The following CHN2 variants were observed in gnomAD, a reference collection of about 807,000 sequenced individuals.
CHN2 encodes chimerin 2.
CHN2 carries 35 observed loss-of-function variants against 56.3 expected under a neutral mutation model. The observed-to-expected ratio is 0.62, with a 90% CI of 0.47 to 0.82. CHN2 has a LOEUF of 0.82. CHN2 is among the 40% of genes least tolerant of loss of function. The pLI, the probability that CHN2 is intolerant of heterozygous loss-of-function variation, is 0.00. For synonymous variants in CHN2, 210 were observed against 212.8 expected, an observed-to-expected ratio of 0.99 and a Z score of 0.12; for missense variants, 491 against 580.5, an observed-to-expected ratio of 0.85 and a Z score of 1.58.
rs115968871 is a variant in CHN2, at chr7:29,272,705, G to A, written c.49+77715G>A. ...TATTTTGTATCAGTCAATATATGCCGTATTAGAAATTAAAACTCAGAAATT... is the reference window on the plus strand; with the variant it reads ...TATTTTGTATCAGTCAATATATGCCATATTAGAAATTAAAACTCAGAAATT... On this transcript the variant is annotated intron_variant, in intron 1 of 12. Transcript: ENST00000222792. Among the ~76,000 whole-genome samples, 673 of 152,182 alleles carry A rather than the reference G, an allele frequency of 4.4e-3. 5 individuals carry two copies. The highest frequency in any genetic ancestry group is 0.015 in the African/African-American group (625 of 41,510).
At chr7:29,207,427 A>G (rs1784602114) in intron 1 of CHN2, among the ~76,000 whole-genome samples, 1 of 152,124 alleles carries the variant, frequency 6.6e-6, no homozygotes, top group Non-Finnish European at 1.5e-5. Context: ...CCTCCACTAG[A>G]TAAATGCCTC....
At chr7:29,302,951 G>T (rs1793818677) in intron 1 of CHN2, among the ~76,000 whole-genome samples, 1 of 152,188 alleles carries the variant, frequency 6.6e-6, no homozygotes, top group Non-Finnish European at 1.5e-5. Context: ...GCTAAGTACT[G>T]TTCCATTATA....
rs539607122 is a variant in CHN2 at position 29,513,410 on chromosome 7, T to A, written c.*675T>A. On this transcript the variant is annotated 3_prime_UTR_variant, in exon 13 of 13. Coordinates refer to ENST00000222792, the MANE Select transcript of CHN2 (RefSeq NM_004067.4). ...ATTGGCATTCTTCTATTGTATGGTA[T>A]GTATTTATAGCAATTGTAGGATGGT... 3 of 152,694 alleles carry A rather than the reference T, an allele frequency of 2.0e-5. No individual in the cohort carries two copies. The highest frequency in any genetic ancestry group is 7.2e-5 in the African/African-American group (3 of 41,480). The allele number at this position is 152,694 out of a possible 1,614,324, so 9.5% of individuals were successfully genotyped here.
chr7:29,181,938 T>C (rs1798108221), intron 2 of CHN2, among the ~76,000 whole-genome samples: 1 of 152,226 alleles, frequency 6.6e-6, no homozygotes, highest in Non-Finnish European at 1.5e-5. Flanking sequence ...ACTTATCTCT[T>C]TTTTGCCTCT....
intron 1 of CHN2, among the ~76,000 whole-genome samples, chr7:29,251,282 GTC>G (rs1359762227): frequency 1.3e-5 from 2 of 152,012 alleles, no homozygotes; most frequent in African/African-American, 4.8e-5. Context: ...GCAAAATCCT[GTC>G]TCTACAAGAA....
At chr7:29,408,897 G>A (rs529542502) in intron 6 of CHN2, among the ~76,000 whole-genome samples, 1 of 152,308 alleles carries the variant, frequency 6.6e-6, no homozygotes, top group East Asian at 1.9e-4. Flanking sequence ...CTAGGAAACA[G>A]CTAATTTAGA....
intron 2 of CHN2, chr7:29,186,536 CTG>C (rs1798739865): frequency 1.3e-5 from 2 of 150,192 alleles, no homozygotes; most frequent in South Asian, 4.2e-4. Context: ...GATCGTGTCA[CTG>C]TATTGCAGCC....
chr7:29,229,349 A>G (rs1039191818), intron 1 of CHN2, among the ~76,000 whole-genome samples: 1 of 152,208 alleles, frequency 6.6e-6, no homozygotes, highest in Admixed American at 6.5e-5. Context: ...CTTGGATTAC[A>G]AAGTCTGGAT....
At position 29,296,809 on chromosome 7, in the gene CHN2, A is replaced by G. The variant is rs139180474; in HGVS notation, c.50-57816A>G. ...ATAACTACAGCCAGATGTTTAATGAACTTACTATGAATTGTCTTGCAGAGG... is the reference window on the plus strand; with the variant it reads ...ATAACTACAGCCAGATGTTTAATGAGCTTACTATGAATTGTCTTGCAGAGG... On this transcript the variant is annotated intron_variant, in intron 1 of 12. Transcript: ENST00000222792. Among the ~76,000 whole-genome samples the G allele has an allele frequency of 5.6e-4, 85 of 152,336 alleles. 1 individual carries two copies. Among genetic ancestry groups the G allele is most frequent in the African/African-American group, 2.0e-3 (84 of 41,582 alleles).
At chr7:29,161,066 A>G (rs1374014152) in intron 2 of CHN2, among the ~76,000 whole-genome samples, 3 of 152,116 alleles carry the variant, frequency 2.0e-5, no homozygotes, top group Non-Finnish European at 4.4e-5. Context: ...TATAATACCT[A>G]GAAGCTACCT....
chr7:29,203,323 T>C (rs980118563), intron 1 of CHN2, among the ~76,000 whole-genome samples: 9 of 151,792 alleles, frequency 5.9e-5, no homozygotes, highest in Non-Finnish European at 1.3e-4. Flanking sequence ...AAAAAGTAGC[T>C]GGGCATGGTG....
intron 5 of CHN2, among the ~76,000 whole-genome samples, chr7:29,399,530 C>T (rs1033852339): frequency 1.3e-5 from 2 of 152,212 alleles, no homozygotes; most frequent in African/African-American, 2.4e-5. Flanking sequence ...TATTTTCTGT[C>T]ATTTGATCCT....
chr7:29,503,862 C>G (rs1790250196), intron 9 of CHN2, among the ~76,000 whole-genome samples: 1 of 152,306 alleles, frequency 6.6e-6, no homozygotes, highest in African/African-American at 2.4e-5. Flanking sequence ...TAGTTTGTGA[C>G]ATACAAAGTC....
At chr7:29,169,722 A>G (rs1056251788) in intron 2 of CHN2, among the ~76,000 whole-genome samples, 1 of 151,728 alleles carries the variant, frequency 6.6e-6, no homozygotes, top group South Asian at 2.1e-4. Context: ...TGATCCAGAA[A>G]AGCTTCTTCC....
intron 4 of CHN2, chr7:29,396,621 G>C (rs530002781): frequency 1.3e-5 from 2 of 152,230 alleles, no homozygotes; most frequent in Admixed American, 1.3e-4. Flanking sequence ...CTGTGTCTTC[G>C]ACATCCCAGC....
chr7:29,343,231 CAGGA>C (rs1797174969), intron 1 of CHN2, among the ~76,000 whole-genome samples: 1 of 152,098 alleles, frequency 6.6e-6, no homozygotes, highest in Non-Finnish European at 1.5e-5. Flanking sequence ...AATTGTCCAC[CAGGA>C]AAGCATCTCC....
intron 3 of CHN2, among the ~76,000 whole-genome samples, chr7:29,390,143 A>C (rs1444727952): frequency 6.6e-6 from 1 of 151,464 alleles, no homozygotes; most frequent in Non-Finnish European, 1.5e-5. Context: ...GACCCATTTC[A>C]TGTGTTTTCT....
At chr7:29,363,136 C>G (rs1798866239) in intron 2 of CHN2, among the ~76,000 whole-genome samples, 1 of 152,148 alleles carries the variant, frequency 6.6e-6, no homozygotes, top group African/African-American at 2.4e-5. Flanking sequence ...TGCTAAAAAG[C>G]AGCTTAGTAG....
At chr7:29,294,997 C>A (rs1369733625) in intron 1 of CHN2, among the ~76,000 whole-genome samples, 1 of 152,102 alleles carries the variant, frequency 6.6e-6, no homozygotes, top group Non-Finnish European at 1.5e-5. Context: ...CTGGACCCCC[C>A]ACAGATACCA....
Sources: gnomAD v4.1 joint callset for allele counts (sites outside exome capture counted in the v4.1 genomes callset) on GRCh38, gnomAD v4.1.1 for gene constraint, MANE v1.5 for transcripts, NCBI Gene and HGNC (gene_info 2026-07-23, HGNC 2026-07-21) for gene names.